Variants in ADAMTS17 observed in about 807,000 individuals in gnomAD.
The protein encoded by ADAMTS17 is ADAM metallopeptidase with thrombospondin type 1 motif 17.
A neutral mutation model predicts 141.5 loss-of-function variants in ADAMTS17; 113 were observed. The observed-to-expected ratio is 0.80, with a 90% CI of 0.69 to 0.93. ADAMTS17 has a LOEUF of 0.93. Ranked by LOEUF, ADAMTS17 falls within the 40% of genes least tolerant of loss-of-function variation. The pLI is 0.00. For missense variants in ADAMTS17, 1,659 were observed against 1,517.9 expected (o/e 1.09, Z -1.54); for synonymous variants, 768 against 630.6 (o/e 1.22, Z -3.27).
At chr15:100,211,099 CAAATAAATAAAT>C (rs372084235) in intron 7 of ADAMTS17, among the ~76,000 whole-genome samples, 2,756 of 131,898 alleles carry the variant, frequency 0.021, 79 homozygotes, top group African/African-American at 0.072. Context: ...GACTCAGTCT[CAAATAAATAAAT>C]AAATAAATAA....
chr15:100,068,105 A>G (rs2033681674), intron 15 of ADAMTS17, among the ~76,000 whole-genome samples: 1 of 152,104 alleles, frequency 6.6e-6, no homozygotes, highest in African/African-American at 2.4e-5. Flanking sequence ...AGGAGATTAT[A>G]TCCTGCGCAT....
intron 8 of ADAMTS17, among the ~76,000 whole-genome samples, chr15:100,164,693 C>T (rs753008462): frequency 1.2e-4 from 19 of 152,112 alleles, no homozygotes; most frequent in Admixed American, 3.9e-4. Flanking sequence ...GGTGGACTGG[C>T]GGGGAAAGGA....
At chr15:100,003,692 T>C (rs1351649823) in intron 18 of ADAMTS17, among the ~76,000 whole-genome samples, 1 of 152,122 alleles carries the variant, frequency 6.6e-6, no homozygotes, top group Non-Finnish European at 1.5e-5. Flanking sequence ...GAATATTATT[T>C]AGTTGTCAAA....
intron 18 of ADAMTS17, among the ~76,000 whole-genome samples, chr15:100,006,649 G>C (rs529504798): frequency 4.6e-5 from 7 of 152,212 alleles, no homozygotes; most frequent in Non-Finnish European, 1.0e-4. Flanking sequence ...TTTGTCCAGG[G>C]GTCCAGTGTT....
At chr15:100,252,216 T>C (rs945528999) in intron 7 of ADAMTS17, among the ~76,000 whole-genome samples, 2 of 152,226 alleles carry the variant, frequency 1.3e-5, no homozygotes, top group Admixed American at 6.5e-5. Flanking sequence ...ATAAATCCTA[T>C]GGAAGAAAAC....
chr15:100,012,533 C>T (rs941240208), intron 18 of ADAMTS17, among the ~76,000 whole-genome samples: 1 of 152,164 alleles, frequency 6.6e-6, no homozygotes, highest in African/African-American at 2.4e-5. Flanking sequence ...GATTTAAGTC[C>T]TTAATCCGTC....
At chr15:100,046,626 T>C (rs1264591915) in intron 18 of ADAMTS17, among the ~76,000 whole-genome samples, 3 of 152,236 alleles carry the variant, frequency 2.0e-5, no homozygotes, top group Non-Finnish European at 2.9e-5. Context: ...AATAAATACT[T>C]TTATAATTTC....
Position 99,973,978 on chromosome 15 carries a change from T to G in ADAMTS17, c.*424A>C. On this transcript the variant is annotated 3_prime_UTR_variant, in exon 22 of 22. Coordinates refer to ENST00000268070, the MANE Select transcript of ADAMTS17 (RefSeq NM_139057.4). ...AACACCTGCCCCTCCCTCCATGGTG[T>G]CGCCGGCTTTCAGAATAAAGCCTTT... 1 of 187,396 alleles carries G rather than the reference T, an allele frequency of 5.3e-6. No homozygotes were observed. The highest frequency in any genetic ancestry group is 4.0e-5 in the South Asian group (1 of 24,734). The allele number at this position is 187,396 out of a possible 1,614,324, so 11.6% of individuals were successfully genotyped here.
At chr15:99,984,177 C>A (rs2141295484) in intron 20 of ADAMTS17, among the ~76,000 whole-genome samples, 1 of 152,316 alleles carries the variant, frequency 6.6e-6, no homozygotes, top group South Asian at 2.1e-4. Context: ...GACCTTCTAG[C>A]CAGGGAACCA....
At chr15:100,125,061 C>T (rs1352029615) in intron 12 of ADAMTS17, among the ~76,000 whole-genome samples, 1 of 152,222 alleles carries the variant, frequency 6.6e-6, no homozygotes, top group Non-Finnish European at 1.5e-5. Context: ...AAAGTCACAA[C>T]AGCAGTTCGG....
chr15:100,303,291 T>C (rs2045108871), intron 3 of ADAMTS17, among the ~76,000 whole-genome samples: 1 of 150,630 alleles, frequency 6.6e-6, no homozygotes. Flanking sequence ...AAGTCCTTTA[T>C]CCATTAATTG....
At chr15:100,124,675 C>T (rs1263354174) in intron 12 of ADAMTS17, among the ~76,000 whole-genome samples, 1 of 152,246 alleles carries the variant, frequency 6.6e-6, no homozygotes, top group African/African-American at 2.4e-5. Context: ...ATGAGCAATA[C>T]TGTGCACGGA....
intron 12 of ADAMTS17, among the ~76,000 whole-genome samples, chr15:100,123,755 G>A (rs1486233308): frequency 3.9e-5 from 6 of 152,154 alleles, no homozygotes; most frequent in African/African-American, 9.7e-5. Context: ...CTTGGCTGAC[G>A]AGCAAGAGGT....
chr15:100,223,449 A>C (rs1238144066), intron 7 of ADAMTS17, among the ~76,000 whole-genome samples: 5 of 152,084 alleles, frequency 3.3e-5, no homozygotes, highest in African/African-American at 1.2e-4. Flanking sequence ...ACCATGTTTC[A>C]AAGTGCTCTC....
At chr15:100,119,469 C>T (rs2037341303) in intron 12 of ADAMTS17, among the ~76,000 whole-genome samples, 3 of 152,218 alleles carry the variant, frequency 2.0e-5, no homozygotes, top group Non-Finnish European at 4.4e-5. Context: ...TGAGTATAGA[C>T]TCTGATTGGT....
chr15:100,147,644 T>C (rs1015187475), intron 10 of ADAMTS17, among the ~76,000 whole-genome samples: 7 of 152,220 alleles, frequency 4.6e-5, no homozygotes, highest in Non-Finnish European at 7.3e-5. Flanking sequence ...CCAGCACATA[T>C]GCAGCTGATA....
intron 18 of ADAMTS17, among the ~76,000 whole-genome samples, chr15:100,023,916 A>C (rs1192683146): frequency 1.3e-5 from 2 of 152,230 alleles, no homozygotes; most frequent in Non-Finnish European, 2.9e-5. Context: ...ACATTGTAGA[A>C]AATCTGGAAA....
At chr15:100,146,401 G>A (rs1211157846) in intron 10 of ADAMTS17, among the ~76,000 whole-genome samples, 1 of 152,172 alleles carries the variant, frequency 6.6e-6, no homozygotes, top group Admixed American at 6.5e-5. Context: ...AAATTGTGAA[G>A]ATTTCATGGA....
At position 100,152,369 on chromosome 15, in the gene ADAMTS17, G is replaced by C. The variant is rs114276930; in HGVS notation, c.1473+243C>G. ...TGTGTGTAGATGTGTGCCTGCAACT[G>C]CATGTGTAGGTGTGTATGTGTGTAT... is the stretch of plus-strand genomic sequence containing the variant. On this transcript the variant is annotated intron_variant, in intron 10 of 21. Transcript: ENST00000268070. Among the ~76,000 whole-genome samples the C allele has an allele frequency of 9.0e-3, 1,369 of 152,080 alleles. 19 individuals are homozygous for C. Among genetic ancestry groups the C allele is most frequent in the African/African-American group, 0.021 (851 of 41,458 alleles).
Sources: allele counts gnomAD v4.1 joint callset (sites outside exome capture counted in the v4.1 genomes callset), GRCh38; gene constraint gnomAD v4.1.1; transcripts MANE v1.5; gene names NCBI Gene and HGNC (gene_info 2026-07-23, HGNC 2026-07-21).